CSMD1: variants seen among roughly 807,000 people sequenced by gnomAD.
CSMD1 encodes CUB and sushi domain-containing protein 1.
In CSMD1, 213 loss-of-function variants were observed where a neutral mutation model predicts 417.5. That is an observed-to-expected ratio of 0.51 (90% CI 0.46 to 0.57). The LOEUF is 0.57. Ranked by LOEUF, CSMD1 falls within the 20% of genes least tolerant of loss-of-function variation. The probability of loss-of-function intolerance (pLI) is 0.00; values close to 1 mark genes in which losing one functional copy is unlikely to be tolerated. For missense variants in CSMD1, 6,923 were observed against 4,529.7 expected, an observed-to-expected ratio of 1.53 and a Z score of -15.17; for synonymous variants, 2,862 against 1,736.8, an observed-to-expected ratio of 1.65 and a Z score of -16.11.
At chr8:3,993,155 G>T (rs568953000) in intron 5 of CSMD1, among the ~76,000 whole-genome samples, 1 of 152,344 alleles carries the variant, frequency 6.6e-6, no homozygotes, top group East Asian at 1.9e-4. Context: ...CTATGGTTAT[G>T]TAAGATGTTC....
intron 5 of CSMD1, among the ~76,000 whole-genome samples, chr8:3,799,238 T>G (rs1800327725): frequency 6.6e-6 from 1 of 151,606 alleles, no homozygotes; most frequent in Admixed American, 6.6e-5. Flanking sequence ...ACAGTTTTTT[T>G]TCTTTGATCA....
intron 49 of CSMD1, among the ~76,000 whole-genome samples, chr8:3,078,834 T>C (rs1030009787): frequency 1.3e-5 from 2 of 152,060 alleles, no homozygotes; most frequent in Admixed American, 6.5e-5. Context: ...AGCCAACCAA[T>C]AGGTTTGCAC....
At chr8:3,967,977 C>T (rs1210780371) in intron 5 of CSMD1, among the ~76,000 whole-genome samples, 1 of 141,824 alleles carries the variant, frequency 7.1e-6, no homozygotes, top group East Asian at 2.1e-4. Context: ...ACCATCCTGG[C>T]CAACACGGTG....
chr8:3,665,196 C>A (rs1311676107), intron 7 of CSMD1, among the ~76,000 whole-genome samples: 2 of 152,138 alleles, frequency 1.3e-5, no homozygotes, highest in African/African-American at 4.8e-5. Context: ...GTATTTGCAT[C>A]TTTTACTGAT....
intron 3 of CSMD1, among the ~76,000 whole-genome samples, chr8:4,311,740 A>AAAAAT (rs1798589207): frequency 7.2e-6 from 1 of 139,384 alleles, no homozygotes; most frequent in Admixed American, 7.1e-5. Context: ...AAAAAAAAAA[A>AAAAAT]GTAGAATCTA....
intron 1 of CSMD1, among the ~76,000 whole-genome samples, chr8:4,928,019 A>G (rs1258571968): frequency 6.6e-6 from 1 of 152,182 alleles, no homozygotes; most frequent in Non-Finnish European, 1.5e-5. Context: ...CCTCAGCGGC[A>G]AAAGTAGAAA....
chr8:4,933,388 C>G (rs899178158), intron 1 of CSMD1, among the ~76,000 whole-genome samples: 3 of 152,142 alleles, frequency 2.0e-5, no homozygotes, highest in African/African-American at 4.8e-5. Context: ...TCCTCCTCGC[C>G]ATCTGACCTT....
intron 1 of CSMD1, among the ~76,000 whole-genome samples, chr8:4,789,242 T>A (rs1797567658): frequency 6.6e-6 from 1 of 152,236 alleles, no homozygotes; most frequent in African/African-American, 2.4e-5. Context: ...CCTGCCACTG[T>A]TTCTCATCTA....
chr8:4,183,986 G>A (rs988545526), intron 3 of CSMD1, among the ~76,000 whole-genome samples: 5 of 152,132 alleles, frequency 3.3e-5, no homozygotes, highest in African/African-American at 7.2e-5. Context: ...CAGAGCCTCC[G>A]ACAGTGTCAT....
intron 12 of CSMD1, among the ~76,000 whole-genome samples, chr8:3,462,688 C>T (rs1252936469): frequency 1.3e-5 from 2 of 152,094 alleles, no homozygotes; most frequent in Non-Finnish European, 1.5e-5. Context: ...AAATAAAGTG[C>T]ACAGTAAATG....
intron 2 of CSMD1, among the ~76,000 whole-genome samples, chr8:4,493,164 T>C (rs1801794921): frequency 6.6e-6 from 1 of 152,130 alleles, no homozygotes; most frequent in Admixed American, 6.5e-5. Flanking sequence ...AAGGCAGCAA[T>C]AGTATTCTTC....
intron 3 of CSMD1, among the ~76,000 whole-genome samples, chr8:4,116,304 T>C (rs1421286129): frequency 2.0e-5 from 3 of 152,076 alleles, no homozygotes; most frequent in Non-Finnish European, 4.4e-5. Flanking sequence ...TAAAATAGAA[T>C]CTTTAGGACG....
At chr8:4,593,757 T>C (rs754987631) in intron 2 of CSMD1, among the ~76,000 whole-genome samples, 1 of 152,156 alleles carries the variant, frequency 6.6e-6, no homozygotes, top group African/African-American at 2.4e-5. Flanking sequence ...TGCAACATCA[T>C]TTCCATTTTG....
rs73660733 is a variant in CSMD1, at chr8:4,290,472, G to C, written c.415+129481C>G. ...TATGGGCAATTTTAAACAAGGGTCA[G>C]GGACACTGCATCTTTCATAGCATGA... On this transcript the variant is annotated intron_variant, in intron 3 of 69. Coordinates refer to ENST00000635120, the MANE Select transcript of CSMD1 (RefSeq NM_033225.6). 3.3e-5 allele frequency among the ~76,000 whole-genome samples: 5 copies of C among 152,050 alleles called. No homozygotes were observed. In the South Asian group the frequency reaches 8.3e-4, roughly 25 times the overall value.
intron 5 of CSMD1, among the ~76,000 whole-genome samples, chr8:3,843,173 G>A (rs1031399172): frequency 3.9e-5 from 6 of 152,036 alleles, no homozygotes; most frequent in Non-Finnish European, 8.8e-5. Flanking sequence ...TCACTGTCAT[G>A]GCTTGTAAAT....
chr8:4,444,398 C>T (rs1798661385), intron 2 of CSMD1, among the ~76,000 whole-genome samples: 1 of 131,920 alleles, frequency 7.6e-6, no homozygotes, highest in South Asian at 2.5e-4. Flanking sequence ...TGGAGTAGGT[C>T]ATGCTGAATG....
chr8:4,190,753 A>C (rs1007400685), intron 3 of CSMD1, among the ~76,000 whole-genome samples: 2 of 152,190 alleles, frequency 1.3e-5, no homozygotes, highest in African/African-American at 4.8e-5. Context: ...TAACTAATTA[A>C]ACAGTACTAT....
intron 3 of CSMD1, among the ~76,000 whole-genome samples, chr8:4,177,467 A>G (rs184167144): frequency 6.6e-6 from 1 of 152,182 alleles, no homozygotes; most frequent in Non-Finnish European, 1.5e-5. Context: ...AAATGTCCAC[A>G]AGAGAAAGTA....
chr8:4,951,127 C>G (rs1808718179), intron 1 of CSMD1, among the ~76,000 whole-genome samples: 1 of 152,110 alleles, frequency 6.6e-6, no homozygotes, highest in Admixed American at 6.6e-5. Context: ...CTGACACACA[C>G]CCTCCTCTTG....
Sources: allele counts gnomAD v4.1 joint callset (sites outside exome capture counted in the v4.1 genomes callset), GRCh38; gene constraint gnomAD v4.1.1; transcripts MANE v1.5; gene names NCBI Gene and HGNC (gene_info 2026-07-23, HGNC 2026-07-21).